ADARB2: variants seen among roughly 807,000 people sequenced by gnomAD.
ADARB2 encodes inactive double-stranded RNA-specific editase B2.
A neutral mutation model predicts 62.2 loss-of-function variants in ADARB2; 25 were observed. The ratio of observed to expected loss-of-function variants is 0.40; its 90% confidence interval spans 0.29 to 0.56. The LOEUF (loss-of-function observed/expected upper bound fraction) is 0.56. Among genes scored for constraint, ADARB2 ranks in the 20% least tolerant of loss-of-function variants. The pLI is 0.43. For synonymous variants in ADARB2, 572 were observed against 500.8 expected, an observed-to-expected ratio of 1.14 and a Z score of -1.90; for missense variants, 1,071 against 1,077.4, an observed-to-expected ratio of 0.99 and a Z score of 0.08.
chr10:1,670,738 A>G (rs1481747089), intron 1 of ADARB2, among the ~76,000 whole-genome samples: 1 of 152,202 alleles, frequency 6.6e-6, no homozygotes, highest in Non-Finnish European at 1.5e-5. Context: ...GGCCGGGCAC[A>G]CAGTGGGGCC....
At chr10:1,467,868 C>T (rs1831271626) in intron 1 of ADARB2, among the ~76,000 whole-genome samples, 1 of 152,230 alleles carries the variant, frequency 6.6e-6, no homozygotes, top group Non-Finnish European at 1.5e-5. Flanking sequence ...TGTCCCTCTT[C>T]CTGAAACGAA....
At chr10:1,682,367 A>G (rs776857244) in intron 1 of ADARB2, among the ~76,000 whole-genome samples, 2 of 152,242 alleles carry the variant, frequency 1.3e-5, no homozygotes, top group Non-Finnish European at 2.9e-5. Flanking sequence ...AATGGCAGCC[A>G]GATGATCTGC....
chr10:1,356,228 A>G (rs1832193746), intron 3 of ADARB2, among the ~76,000 whole-genome samples: 1 of 152,180 alleles, frequency 6.6e-6, no homozygotes, highest in South Asian at 2.1e-4. Flanking sequence ...TCCTGCATGG[A>G]CCACAGGATG....
rs146888767 is a variant in ADARB2, at chr10:1,687,521, C to T, written c.100+49530G>A. On this transcript the variant is annotated intron_variant, in intron 1 of 9. Coordinates refer to ENST00000381312, the MANE Select transcript of ADARB2 (RefSeq NM_018702.4). ...GCGATCCAAAATTCTCAGACTTAAA[C>T]TTTGGCACCACCAAGACAGCCTCAT... Among the ~76,000 whole-genome samples the T allele has an allele frequency of 2.3e-3, 345 of 151,690 alleles. 3 individuals are homozygous for T. The highest frequency in any genetic ancestry group is 7.9e-3 in the African/African-American group (326 of 41,328).
At chr10:1,469,922 C>G (rs1259961971) in intron 1 of ADARB2, among the ~76,000 whole-genome samples, 1 of 152,198 alleles carries the variant, frequency 6.6e-6, no homozygotes, top group African/African-American at 2.4e-5. Context: ...ATAAACAGGG[C>G]TCTCCTAGGG....
At chr10:1,567,015 AATTCTTAATTGT>A (rs905682631) in intron 1 of ADARB2, among the ~76,000 whole-genome samples, 1 of 152,232 alleles carries the variant, frequency 6.6e-6, no homozygotes, top group African/African-American at 2.4e-5. Flanking sequence ...TGTAAGTAAG[AATTCTTAATTGT>A]ATTCTCTTTA....
chr10:1,187,321 C>T (rs531107287), intron 8 of ADARB2, among the ~76,000 whole-genome samples: 129 of 152,314 alleles, frequency 8.5e-4, no homozygotes, highest in Middle Eastern at 3.4e-3. Flanking sequence ...CCCTGATCTG[C>T]GTGCACTGGG....
At chr10:1,269,865 A>C (rs561549148) in intron 4 of ADARB2, among the ~76,000 whole-genome samples, 20 of 152,310 alleles carry the variant, frequency 1.3e-4, no homozygotes, top group African/African-American at 4.8e-4. Context: ...CCCTCAATTT[A>C]GAACATTCCT....
At chr10:1,731,470 C>G (rs966378920) in intron 1 of ADARB2, among the ~76,000 whole-genome samples, 5 of 152,154 alleles carry the variant, frequency 3.3e-5, no homozygotes, top group Non-Finnish European at 7.3e-5. Context: ...AAAGTCTCAC[C>G]AGAGCACGTT....
intron 1 of ADARB2, among the ~76,000 whole-genome samples, chr10:1,466,643 T>C (rs1831259133): frequency 6.6e-6 from 1 of 152,136 alleles, no homozygotes; most frequent in African/African-American, 2.4e-5. Flanking sequence ...CTGGAGGTGG[T>C]TGATTGCGAC....
intron 5 of ADARB2, 38 bp from the exon 6 acceptor site, chr10:1,233,883 A>C (rs773365474): frequency 6.3e-7 from 1 of 1,591,824 alleles, no homozygotes; most frequent in Non-Finnish European, 8.6e-7. Flanking sequence ...TTTATCACAA[A>C]CCAAACCAGA....
intron 2 of ADARB2, among the ~76,000 whole-genome samples, chr10:1,372,974 T>C (rs1262974046): frequency 4.6e-5 from 7 of 151,956 alleles, no homozygotes; most frequent in African/African-American, 1.5e-4. Flanking sequence ...TACAAAACAC[T>C]GAGAAAAGAA....
At chr10:1,697,338 T>C (rs986595626) in intron 1 of ADARB2, among the ~76,000 whole-genome samples, 3 of 151,882 alleles carry the variant, frequency 2.0e-5, no homozygotes, top group Non-Finnish European at 4.4e-5. Flanking sequence ...TCTCCCCTCT[T>C]GTCTTCCTTG....
chr10:1,604,980 A>G (rs764100741), intron 1 of ADARB2, among the ~76,000 whole-genome samples: 5 of 152,264 alleles, frequency 3.3e-5, no homozygotes, highest in African/African-American at 4.8e-5. Context: ...TTATGGTCAG[A>G]GAACTCAAAA....
At chr10:1,205,005 C>T (rs1377009965) in intron 7 of ADARB2, among the ~76,000 whole-genome samples, 6 of 152,204 alleles carry the variant, frequency 3.9e-5, no homozygotes, top group South Asian at 2.1e-4. Flanking sequence ...GCTTGGGATG[C>T]CTCAGCCTGA....
rs1831068501 is a variant in ADARB2 at position 1,255,099 on chromosome 10, C to G, written c.1193-12800G>C. Among the ~76,000 whole-genome samples the G allele has an allele frequency of 6.6e-6, 1 of 152,254 alleles. No homozygotes were observed. Among genetic ancestry groups the G allele is most frequent in the Admixed American group, 6.5e-5 (1 of 15,292 alleles). ...TCAGGTGCTGAGACTGCCAGTCATG[C>G]CGGGGCTCAGCCCCAGTGAGGGAGC... On this transcript the variant is annotated intron_variant, in intron 4 of 9. Coordinates refer to ENST00000381312, the MANE Select transcript of ADARB2 (RefSeq NM_018702.4). This position sits in a 1 kb window ranked among gnomAD's most constrained non-coding sequence, Gnocchi z 4.7.
intron 1 of ADARB2, among the ~76,000 whole-genome samples, chr10:1,725,952 CTG>C (rs1272810374): frequency 6.6e-6 from 1 of 152,256 alleles, no homozygotes; most frequent in East Asian, 1.9e-4. Flanking sequence ...CAGAATTCTA[CTG>C]TGTTTATCAG....
intron 1 of ADARB2, among the ~76,000 whole-genome samples, chr10:1,667,337 T>C (rs551992027): frequency 1.3e-4 from 20 of 152,376 alleles, no homozygotes; most frequent in Non-Finnish European, 2.8e-4. Context: ...CTGATTTAGC[T>C]ATTTTTAAGG....
chr10:1,632,890 A>G (rs529090427), intron 1 of ADARB2, among the ~76,000 whole-genome samples: 26 of 152,258 alleles, frequency 1.7e-4, no homozygotes, highest in African/African-American at 5.1e-4. Context: ...ATCTGGGAGG[A>G]TGTTTCTGGA....
Sources: gnomAD v4.1 joint callset for allele counts (sites outside exome capture counted in the v4.1 genomes callset) on GRCh38, gnomAD v4.1.1 for gene constraint, Gnocchi (gnomAD v3.1) non-coding constraint, MANE v1.5 for transcripts, NCBI Gene and HGNC (gene_info 2026-07-23, HGNC 2026-07-21) for gene names.